The following CALD1 variants were observed in gnomAD, a reference collection of about 807,000 sequenced individuals.
CALD1 encodes caldesmon.
In CALD1, 33 loss-of-function variants were observed where a neutral mutation model predicts 99.9. The ratio of observed to expected loss-of-function variants is 0.33; its 90% confidence interval spans 0.25 to 0.44. The LOEUF (loss-of-function observed/expected upper bound fraction) is 0.44, where lower values mean the gene tolerates loss of function less well. CALD1 is among the 20% of genes least tolerant of loss of function. CALD1 has a pLI of 1.00. For missense variants in CALD1, 861 were observed against 962.1 expected (o/e 0.89, Z 1.39); for synonymous variants, 310 against 325.0 (o/e 0.95, Z 0.50).
chr7:134,889,072 G>C (rs1223554286), intron 3 of CALD1, among the ~76,000 whole-genome samples: 1 of 152,212 alleles, frequency 6.6e-6, no homozygotes, highest in Admixed American at 6.5e-5. Flanking sequence ...GGCTGGGGAG[G>C]AGGGAATCAG....
intron 1 of CALD1, among the ~76,000 whole-genome samples, chr7:134,787,917 A>C (rs1404925241): frequency 6.6e-6 from 1 of 152,182 alleles, no homozygotes; most frequent in Non-Finnish European, 1.5e-5. Flanking sequence ...GTGTGTACAT[A>C]GAAGCAGAGC....
rs1054072101 is a variant in CALD1, at chr7:134,891,382, A to T, written c.71+23578A>T. ...GTAAAAAATAACAATCAGCTCTCTG[A>T]TGATCCTGTGAGGAGGGAACGGGTT... On this transcript the variant is annotated intron_variant, in intron 3 of 14. Transcript: ENST00000361675. 1.4e-5 allele frequency: 18 copies of T among 1,255,750 alleles called. No individual in the cohort carries two copies. In the African/African-American group the frequency reaches 2.0e-4, roughly 14 times the overall value. 77.8% of individuals were successfully genotyped at this position (1,255,750 alleles called of 1,614,324 possible). A position where few individuals can be genotyped will look rare whatever the true frequency, so the allele number is the denominator to read the frequency against.
chr7:134,815,141 C>A (rs750159781), intron 1 of CALD1, among the ~76,000 whole-genome samples: 1 of 152,176 alleles, frequency 6.6e-6, no homozygotes, highest in Admixed American at 6.5e-5. Context: ...GTGTCCTCAT[C>A]ATGTCCGGAC....
chr7:134,842,025 G>T (rs1799671936), intron 1 of CALD1, among the ~76,000 whole-genome samples: 1 of 152,142 alleles, frequency 6.6e-6, no homozygotes, highest in South Asian at 2.1e-4. Context: ...ACCCTCAGTG[G>T]ACCTCTTTAC....
chr7:134,797,354 T>C (rs905273979), intron 1 of CALD1, among the ~76,000 whole-genome samples: 22 of 152,244 alleles, frequency 1.4e-4, no homozygotes, highest in African/African-American at 5.3e-4. Context: ...TCTTAGACTC[T>C]TGTTGCCCTC....
chr7:134,771,351 G>A (rs1239862027), intron 1 of CALD1, among the ~76,000 whole-genome samples: 5 of 152,018 alleles, frequency 3.3e-5, no homozygotes, highest in South Asian at 2.1e-4. Context: ...GCAAATGTCC[G>A]TCCCCCTCAG....
intron 2 of CALD1, among the ~76,000 whole-genome samples, chr7:134,851,503 A>G (rs1035056439): frequency 2.6e-5 from 4 of 152,218 alleles, no homozygotes; most frequent in Admixed American, 2.6e-4. Context: ...ACCTAATGTC[A>G]GAGCTGGCCA....
At chr7:134,938,543 C>T (rs1251356554) in intron 6 of CALD1, among the ~76,000 whole-genome samples, 3 of 152,146 alleles carry the variant, frequency 2.0e-5, no homozygotes, top group African/African-American at 4.8e-5. Flanking sequence ...TCCTTCAGCA[C>T]GGACGTTCTC....
intron 6 of CALD1, among the ~76,000 whole-genome samples, chr7:134,939,664 G>A (rs183828780): frequency 1.2e-3 from 182 of 152,250 alleles, no homozygotes; most frequent in African/African-American, 4.2e-3. Context: ...GCTCTGCTTT[G>A]TAAAACATGC....
the CALD1 span, among the ~76,000 whole-genome samples, chr7:134,718,651 G>C: frequency 3.9e-5 from 6 of 152,068 alleles, no homozygotes; most frequent in African/African-American, 1.4e-4. Flanking sequence ...CCTGGCCTCA[G>C]CTGTTTTAAA....
chr7:134,910,176 C>A lies in CALD1; in HGVS notation c.72-18578C>A, dbSNP rs2132690677. On this transcript the variant is annotated intron_variant, in intron 3 of 14. Coordinates refer to ENST00000361675, the MANE Select transcript of CALD1 (RefSeq NM_033138.4). ...TTAAGATGTCTGGAACTAAAAATCA[C>A]TAGCCCCGTAGAGATCCATCTCAAG... 2.6e-5 allele frequency among the ~76,000 whole-genome samples: 4 copies of A among 152,324 alleles called. No homozygotes were observed. In the South Asian group the frequency reaches 8.3e-4, roughly 32 times the overall value.
chr7:134,960,314 C>G, intron 12 of CALD1: 1 of 681,558 alleles, frequency 1.5e-6, no homozygotes, highest in South Asian at 1.9e-5. Context: ...CCATCTTACT[C>G]CAAATAAAGT....
chr7:134,948,922 G>A (rs919132330), intron 8 of CALD1, among the ~76,000 whole-genome samples: 9 of 151,820 alleles, frequency 5.9e-5, no homozygotes, highest in Admixed American at 5.2e-4. Flanking sequence ...CACCCAGGCT[G>A]GAGTGCAGGA....
rs1430365034 is a variant in CALD1 at position 134,827,253 on chromosome 7, T to C, written c.-129-16631T>C. On this transcript the variant is annotated intron_variant, in intron 1 of 14. Coordinates refer to ENST00000361675, the MANE Select transcript of CALD1 (RefSeq NM_033138.4). ...GGCCCAGGCTGAAATCTTAGGCAGA[T>C]CTCCCTATCTCAGTGGACCAGGACA... Among the ~76,000 whole-genome samples, 3 of 152,162 alleles carry C rather than the reference T, an allele frequency of 2.0e-5. 1 individual carries two copies. Among genetic ancestry groups the C allele is most frequent in the African/African-American group, 4.8e-5 (2 of 41,446 alleles).
intron 3 of CALD1, among the ~76,000 whole-genome samples, chr7:134,902,892 G>A (rs946245931): frequency 6.6e-6 from 1 of 152,154 alleles, no homozygotes; most frequent in African/African-American, 2.4e-5. Context: ...ATAACAGGTT[G>A]TCCTTCAATA....
rs749296224 is a variant in CALD1, at chr7:134,947,776, C to A, written c.1794+7C>A. On this transcript the variant is annotated splice_region_variant and intron_variant, in intron 8 of 14. Transcript: ENST00000361675. ...TCGAAAACTCAGAGAGGAGGTAAGGCGGGCGCTAGCCCACTGAGAACGTTG... is the reference window on the plus strand; with the variant it reads ...TCGAAAACTCAGAGAGGAGGTAAGGAGGGCGCTAGCCCACTGAGAACGTTG... 3 of 1,612,140 alleles carry A rather than the reference C, an allele frequency of 1.9e-6. No homozygotes were observed. Among genetic ancestry groups the A allele is most frequent in the African/African-American group, 2.7e-5 (2 of 74,840 alleles).
chr7:134,929,401 C>A (rs1167366115), intron 4 of CALD1, among the ~76,000 whole-genome samples: 1 of 151,418 alleles, frequency 6.6e-6, no homozygotes, highest in Non-Finnish European at 1.5e-5. Context: ...ACCCTCCTAC[C>A]TTTCTCCCCG....
chr7:134,949,275 A>T (rs984691323), intron 8 of CALD1, among the ~76,000 whole-genome samples: 2 of 152,150 alleles, frequency 1.3e-5, no homozygotes, highest in African/African-American at 4.8e-5. Flanking sequence ...CAAACACAGG[A>T]TCCTTCTGTG....
chr7:134,819,127 C>A (rs1433580578), intron 1 of CALD1, among the ~76,000 whole-genome samples: 2 of 152,136 alleles, frequency 1.3e-5, no homozygotes, highest in Admixed American at 6.6e-5. Context: ...GAAGTAAGAA[C>A]CGTCGTGAGG....
Sources: allele counts gnomAD v4.1 joint callset (sites outside exome capture counted in the v4.1 genomes callset), GRCh38; gene constraint gnomAD v4.1.1; transcripts MANE v1.5; gene names NCBI Gene and HGNC (gene_info 2026-07-23, HGNC 2026-07-21).